Variants in HS3ST5 observed in about 807,000 individuals in gnomAD.
The protein encoded by HS3ST5 is heparan sulfate-glucosamine 3-sulfotransferase 5, also known as heparan sulfate glucosamine 3-O-sulfotransferase 5.
HS3ST5 carries 10 observed loss-of-function variants against 25.4 expected under a neutral mutation model. That is an observed-to-expected ratio of 0.39 (90% CI 0.24 to 0.67). HS3ST5 has a LOEUF of 0.67. Among genes scored for constraint, HS3ST5 ranks in the 30% least tolerant of loss-of-function variants. The pLI is 0.44. For synonymous variants in HS3ST5, 170 were observed against 162.4 expected (o/e 1.05, Z -0.36); for missense variants, 324 against 420.7 (o/e 0.77, Z 2.01).
intron 3 of HS3ST5, among the ~76,000 whole-genome samples, chr6:114,126,455 T>C (rs1187746257): frequency 2.0e-5 from 3 of 152,140 alleles, no homozygotes; most frequent in Non-Finnish European, 2.9e-5. Flanking sequence ...ATATGCAGAT[T>C]TGAGATTAAG....
At chr6:114,296,080 AAC>A (rs1562267341) in intron 1 of HS3ST5, among the ~76,000 whole-genome samples, 1 of 152,214 alleles carries the variant, frequency 6.6e-6, no homozygotes, top group Non-Finnish European at 1.5e-5. Context: ...CAGCACAGAA[AAC>A]ACACTCACAA....
At chr6:114,181,478 T>C (rs1419342721) in intron 2 of HS3ST5, among the ~76,000 whole-genome samples, 1 of 152,250 alleles carries the variant, frequency 6.6e-6, no homozygotes, top group Non-Finnish European at 1.5e-5. Context: ...CTCTAAATTA[T>C]TCTTTGGGAT....
chr6:114,241,093 A>G (rs2114583990), intron 1 of HS3ST5, among the ~76,000 whole-genome samples: 1 of 150,862 alleles, frequency 6.6e-6, no homozygotes, highest in Admixed American at 6.6e-5. Flanking sequence ...AAGCTCTTTC[A>G]GTTCTTTAAG....
At chr6:114,341,758 C>T (rs1166952151) in intron 1 of HS3ST5, among the ~76,000 whole-genome samples, 3 of 152,054 alleles carry the variant, frequency 2.0e-5, no homozygotes, top group African/African-American at 7.2e-5. Context: ...CTCGCAGGCC[C>T]CCACTGTCCC....
At chr6:114,210,444 C>T (rs1404039806) in intron 2 of HS3ST5, among the ~76,000 whole-genome samples, 3 of 152,208 alleles carry the variant, frequency 2.0e-5, no homozygotes, top group African/African-American at 7.2e-5. Flanking sequence ...AATTCTCCAG[C>T]TTAAGCAGCG....
chr6:114,299,219 C>A (rs1774963058), intron 1 of HS3ST5, among the ~76,000 whole-genome samples: 1 of 152,222 alleles, frequency 6.6e-6, no homozygotes, highest in African/African-American at 2.4e-5. Context: ...ATGAAATAAG[C>A]CCCAGTCTCC....
chr6:114,086,322 A>G (rs1417821779), intron 3 of HS3ST5, among the ~76,000 whole-genome samples: 3 of 152,228 alleles, frequency 2.0e-5, no homozygotes, highest in African/African-American at 7.2e-5. Context: ...AGGAGTGATT[A>G]GATTCCAAGC....
At position 114,342,424 on chromosome 6, in the gene HS3ST5, G is replaced by T. The variant is rs1236177325; in HGVS notation, c.-568C>A. ...ACGCGAGCGGGCCCCACACGCAGGC[G>T]GCGGCGGCGGCGGCGGCGGCGGCGA... On this transcript the variant is annotated 5_prime_UTR_variant, in exon 1 of 5. Coordinates refer to ENST00000312719, the MANE Select transcript of HS3ST5 (RefSeq NM_153612.4). The T allele has an allele frequency of 5.3e-5, 10 of 187,608 alleles. No homozygotes were observed. The East Asian group carries it at 1.4e-3, about 27-fold the overall frequency. 11.6% of individuals were successfully genotyped at this position (187,608 alleles called of 1,614,324 possible).
At chr6:114,152,035 A>G (rs903220628) in intron 3 of HS3ST5, among the ~76,000 whole-genome samples, 3 of 151,988 alleles carry the variant, frequency 2.0e-5, no homozygotes, top group African/African-American at 7.2e-5. Context: ...GCTTCAAGCG[A>G]TTCTTTTGCC....
chr6:114,223,020 C>A (rs1782113486), intron 2 of HS3ST5, among the ~76,000 whole-genome samples: 1 of 151,352 alleles, frequency 6.6e-6, no homozygotes, highest in South Asian at 2.1e-4. Context: ...ACTAGAGAAA[C>A]TTCATTTAAA....
intron 3 of HS3ST5, among the ~76,000 whole-genome samples, chr6:114,163,833 T>C (rs1779087089): frequency 1.3e-5 from 2 of 152,126 alleles, no homozygotes; most frequent in Non-Finnish European, 2.9e-5. Flanking sequence ...GCCTCTCTTA[T>C]AGTTAAAGAG....
chr6:114,163,804 T>C (rs962281035), intron 3 of HS3ST5, among the ~76,000 whole-genome samples: 1 of 152,072 alleles, frequency 6.6e-6, no homozygotes, highest in African/African-American at 2.4e-5. Flanking sequence ...TATTTGAGAG[T>C]TTTTCTTTTT....
At chr6:114,248,496 A>T (rs1772492024) in intron 1 of HS3ST5, among the ~76,000 whole-genome samples, 1 of 151,988 alleles carries the variant, frequency 6.6e-6, no homozygotes, top group Admixed American at 6.5e-5. Context: ...AATAAAAAAT[A>T]AAATTAAAAT....
chr6:114,228,791 G>A lies in HS3ST5; in HGVS notation c.-338-13C>T, dbSNP rs1341541510. 3 of 152,168 alleles carry A rather than the reference G, an allele frequency of 2.0e-5. No homozygotes were observed. Among genetic ancestry groups the A allele is most frequent in the Non-Finnish European group, 4.4e-5 (3 of 68,018 alleles). The allele number at this position is 152,168 out of a possible 1,614,324, so 9.4% of individuals were successfully genotyped here. A position where few individuals can be genotyped will look rare whatever the true frequency, so the allele number is the denominator to read the frequency against. On this transcript the variant is annotated splice_polypyrimidine_tract_variant and intron_variant, in intron 1 of 4. Transcript: ENST00000312719. ...TATCTGATTATCTCTAAACAGAACA[G>A]AAAAAGAAGTGGTCGGTCACCTGTA...
chr6:114,126,821 TG>T (rs1777061844), intron 3 of HS3ST5, among the ~76,000 whole-genome samples: 1 of 152,090 alleles, frequency 6.6e-6, no homozygotes, highest in African/African-American at 2.4e-5. Flanking sequence ...ATTTCTGTCA[TG>T]GGAGCCATCC....
intron 2 of HS3ST5, among the ~76,000 whole-genome samples, chr6:114,196,162 C>A (rs1562234050): frequency 6.6e-6 from 1 of 152,186 alleles, no homozygotes; most frequent in Non-Finnish European, 1.5e-5. Flanking sequence ...CCCTTTGTGT[C>A]CACACTTCTT....
intron 3 of HS3ST5, among the ~76,000 whole-genome samples, chr6:114,105,989 C>G (rs750835134): frequency 2.6e-5 from 4 of 152,114 alleles, no homozygotes; most frequent in Non-Finnish European, 5.9e-5. Context: ...AACCAGTAAG[C>G]TGTAATGTTG....
At chr6:114,180,766 A>T (rs1779936799) in intron 2 of HS3ST5, among the ~76,000 whole-genome samples, 1 of 152,178 alleles carries the variant, frequency 6.6e-6, no homozygotes, top group Non-Finnish European at 1.5e-5. Flanking sequence ...TCATGACTTC[A>T]TTGAACCTTA....
At chr6:114,275,113 C>CT (rs932988181) in intron 1 of HS3ST5, among the ~76,000 whole-genome samples, 21 of 151,850 alleles carry the variant, frequency 1.4e-4, no homozygotes, top group Non-Finnish European at 2.4e-4. Context: ...TTTCATAATA[C>CT]TTTATCTACA....
Sources: gnomAD v4.1 joint callset for allele counts (sites outside exome capture counted in the v4.1 genomes callset) on GRCh38, gnomAD v4.1.1 for gene constraint, MANE v1.5 for transcripts, NCBI Gene and HGNC (gene_info 2026-07-23, HGNC 2026-07-21) for gene names.